SHISA9: variants seen among roughly 807,000 people sequenced by gnomAD.
The protein encoded by SHISA9 is shisa family member 9, also known as protein shisa-9.
In SHISA9, 13 loss-of-function variants were observed where a neutral mutation model predicts 38.0. That is an observed-to-expected ratio of 0.34 (90% CI 0.22 to 0.54). SHISA9 has a LOEUF of 0.54. Ranked by LOEUF, SHISA9 falls within the 20% of genes least tolerant of loss-of-function variation. SHISA9 has a pLI of 0.91. For synonymous variants in SHISA9, 275 were observed against 242.0 expected (o/e 1.14, Z -1.27); for missense variants, 538 against 575.8 (o/e 0.93, Z 0.67).
chr16:13,408,147 A>G, the SHISA9 span, among the ~76,000 whole-genome samples: 2,096 of 152,306 alleles, frequency 0.014, 47 homozygotes, highest in African/African-American at 0.048. Flanking sequence ...ACATCTCTAG[A>G]TAGAAGTCTT....
intron 2 of SHISA9, among the ~76,000 whole-genome samples, chr16:12,970,433 A>ATATGTG (rs2072056013): frequency 1.5e-5 from 1 of 64,812 alleles, no homozygotes; most frequent in Non-Finnish European, 3.1e-5. Flanking sequence ...ATATGTATAT[A>ATATGTG]TATATACACA....
the SHISA9 span, among the ~76,000 whole-genome samples, chr16:13,508,260 T>A: frequency 6.6e-6 from 1 of 152,242 alleles, no homozygotes; most frequent in Non-Finnish European, 1.5e-5. Flanking sequence ...ATTTTCCATG[T>A]GTCATTAACT....
At chr16:13,412,896 A>C in the SHISA9 span, among the ~76,000 whole-genome samples, 1 of 152,090 alleles carries the variant, frequency 6.6e-6, no homozygotes, top group Non-Finnish European at 1.5e-5. Context: ...CAAAACAAAA[A>C]GGAGAAAGAC....
chr16:12,977,285 A>C (rs1280278219), intron 2 of SHISA9, among the ~76,000 whole-genome samples: 2 of 152,066 alleles, frequency 1.3e-5, no homozygotes, highest in African/African-American at 2.4e-5. Context: ...TGATAGGGGG[A>C]AGAAGTGGTG....
the SHISA9 span, among the ~76,000 whole-genome samples, chr16:13,543,432 G>A: frequency 6.6e-6 from 1 of 152,176 alleles, no homozygotes; most frequent in African/African-American, 2.4e-5. Context: ...TATGATGTCA[G>A]TTCATTATGA....
the SHISA9 span, among the ~76,000 whole-genome samples, chr16:13,356,523 C>T: frequency 2.0e-5 from 3 of 152,038 alleles, no homozygotes; most frequent in African/African-American, 7.3e-5. Context: ...AACGGTAAGC[C>T]AGACCAGGTG....
At chr16:12,903,649 C>CG (rs1181502202) in intron 1 of SHISA9, among the ~76,000 whole-genome samples, 1 of 152,092 alleles carries the variant, frequency 6.6e-6, no homozygotes, top group Middle Eastern at 3.2e-3. Context: ...TCCGGGCGGG[C>CG]GGGGTGGAAG....
chr16:12,981,445 C>A (rs1468088546), intron 2 of SHISA9, among the ~76,000 whole-genome samples: 1 of 152,222 alleles, frequency 6.6e-6, no homozygotes, highest in Non-Finnish European at 1.5e-5. Flanking sequence ...CCTTACTGGG[C>A]AGCTTCTGCC....
At chr16:13,302,847 C>G in the SHISA9 span, among the ~76,000 whole-genome samples, 177 of 152,314 alleles carry the variant, frequency 1.2e-3, no homozygotes, top group African/African-American at 4.2e-3. Context: ...TTCCTCCATG[C>G]TGTTCTCATG....
rs190215517 is a variant in SHISA9 at position 13,183,162 on chromosome 16, A to T, written c.692-20232A>T. 1.1e-4 allele frequency among the ~76,000 whole-genome samples: 16 copies of T among 152,220 alleles called. 2 individuals are homozygous for T. Among genetic ancestry groups the T allele is most frequent in the African/African-American group, 3.9e-4 (16 of 41,554 alleles). ...TCTGCCCTACTCCATTGGCCAAAGC[A>T]GTCACAAAGTTCTGCCTAAGTTTAA... On this transcript the variant is annotated intron_variant, in intron 2 of 4. Transcript: ENST00000558583.
chr16:13,098,328 A>G (rs1596646800), intron 2 of SHISA9, among the ~76,000 whole-genome samples: 1 of 152,140 alleles, frequency 6.6e-6, no homozygotes. Context: ...TGTGGCCTTT[A>G]TTGCATCCAT....
Position 13,237,542 on chromosome 16 carries a change from A to G in SHISA9, c.*2133A>G, listed in dbSNP as rs2051397365. Reference sequence around the variant, plus strand: ...GCTGGGCATGGTGGTGGGTGCCTGTAATCCCAACTACTCGAGAGGCTGAGG... The same window carrying G: ...GCTGGGCATGGTGGTGGGTGCCTGTGATCCCAACTACTCGAGAGGCTGAGG... On this transcript the variant is annotated 3_prime_UTR_variant, in exon 5 of 5. Transcript: ENST00000558583. The G allele has an allele frequency of 6.6e-6, 1 of 152,008 alleles. No homozygotes were observed. Among genetic ancestry groups the G allele is most frequent in the South Asian group, 2.1e-4 (1 of 4,794 alleles). 9.4% of individuals were successfully genotyped at this position (152,008 alleles called of 1,614,324 possible). A position where few individuals can be genotyped will look rare whatever the true frequency, so the allele number is the denominator to read the frequency against.
At chr16:13,213,031 T>C (rs1225499366) in intron 3 of SHISA9, among the ~76,000 whole-genome samples, 1 of 152,134 alleles carries the variant, frequency 6.6e-6, no homozygotes, top group Non-Finnish European at 1.5e-5. Flanking sequence ...TGATCTTCTG[T>C]TGGGTGTTAA....
At chr16:12,960,748 C>T (rs752171313) in intron 2 of SHISA9, among the ~76,000 whole-genome samples, 1 of 152,162 alleles carries the variant, frequency 6.6e-6, no homozygotes, top group African/African-American at 2.4e-5. Context: ...CCTCCCCTCA[C>T]CTGTCCTCCC....
Position 13,235,013 on chromosome 16 carries a change from C to A in SHISA9, c.896-17C>A. ...TCTCTTTCTTCCCCTTCTTCATCCA[C>A]CCGTTCCGATGTGTAGCTGACAAGG... On this transcript the variant is annotated splice_polypyrimidine_tract_variant and intron_variant, in intron 4 of 4. Coordinates refer to ENST00000558583, the MANE Select transcript of SHISA9 (RefSeq NM_001145204.3). The A allele has an allele frequency of 6.6e-7, 1 of 1,524,618 alleles. No homozygotes were observed. The highest frequency in any genetic ancestry group is 8.8e-7 in the Non-Finnish European group (1 of 1,129,962). 94.4% of individuals were successfully genotyped at this position (1,524,618 alleles called of 1,614,324 possible).
chr16:13,285,540 G>T, the SHISA9 span, among the ~76,000 whole-genome samples: 1 of 149,298 alleles, frequency 6.7e-6, no homozygotes. Flanking sequence ...GTATGTGGGT[G>T]GAAGATTTTC....
At chr16:13,089,219 A>T (rs536262395) in intron 2 of SHISA9, among the ~76,000 whole-genome samples, 1 of 152,218 alleles carries the variant, frequency 6.6e-6, no homozygotes, top group South Asian at 2.1e-4. Flanking sequence ...TTTATTGAGG[A>T]TTTACGCATT....
chr16:12,926,273 CT>C (rs772970545), intron 2 of SHISA9, among the ~76,000 whole-genome samples: 101 of 152,214 alleles, frequency 6.6e-4, no homozygotes, highest in Non-Finnish European at 1.3e-3. Flanking sequence ...GATTATGCCT[CT>C]TTTTCTATTT....
At chr16:12,982,079 C>T (rs1027353660) in intron 2 of SHISA9, among the ~76,000 whole-genome samples, 3 of 152,146 alleles carry the variant, frequency 2.0e-5, no homozygotes. Context: ...GATTACTATA[C>T]GCCAGGCACT....
Sources: gnomAD v4.1 joint callset for allele counts (sites outside exome capture counted in the v4.1 genomes callset) on GRCh38, gnomAD v4.1.1 for gene constraint, MANE v1.5 for transcripts, NCBI Gene and HGNC (gene_info 2026-07-23, HGNC 2026-07-21) for gene names.